Variants in EFCAB8 observed in about 807,000 individuals in gnomAD.
The protein encoded by EFCAB8 is EF-hand calcium-binding domain-containing protein 8.
EFCAB8 carries 100 observed loss-of-function variants against 116.3 expected under a neutral mutation model. The observed-to-expected ratio is 0.86, with a 90% CI of 0.73 to 1.02. EFCAB8 has a LOEUF of 1.02. Ranked by LOEUF, EFCAB8 falls within the 50% of genes least tolerant of loss-of-function variation. The probability of loss-of-function intolerance (pLI) is 0.00; values close to 1 mark genes in which losing one functional copy is unlikely to be tolerated. For missense variants in EFCAB8, 1,320 were observed against 1,416.9 expected (o/e 0.93, Z 1.10); for synonymous variants, 558 against 567.9 (o/e 0.98, Z 0.25).
intron 20 of EFCAB8, among the ~76,000 whole-genome samples, chr20:32,929,585 A>C (rs1031222441): frequency 7.2e-6 from 1 of 138,344 alleles, no homozygotes; most frequent in Admixed American, 8.0e-5. Context: ...CAAGTGATTC[A>C]CCCGCCTCGG....
chr20:32,893,118 GGT>G lies in EFCAB8; in HGVS notation c.759-52_759-51del, dbSNP rs1985997021. On this transcript the variant is annotated intron_variant, in intron 8 of 26. Coordinates refer to ENST00000400522, the MANE Select transcript of EFCAB8 (RefSeq NM_001143967.2). ...GGCCTCCCAGAGTGCTGGTCTTACA[GGT>G]GTGAGCCACCGCGCCCAGCCCACAC... is the stretch of plus-strand genomic sequence containing the variant. 2.6e-6 allele frequency: 4 copies of G among 1,547,780 alleles called. No homozygotes were observed. In the South Asian group the frequency reaches 3.6e-5, roughly 14 times the overall value.
At chr20:32,871,492 T>C (rs1984682472) in intron 3 of EFCAB8, among the ~76,000 whole-genome samples, 1 of 152,084 alleles carries the variant, frequency 6.6e-6, no homozygotes, top group Non-Finnish European at 1.5e-5. Context: ...GCTGTATTCC[T>C]TGCTTTTTTA....
At chr20:32,897,127 G>A (rs1600396969) in intron 10 of EFCAB8, among the ~76,000 whole-genome samples, 1 of 152,098 alleles carries the variant, frequency 6.6e-6, no homozygotes. Context: ...TAAGGTACCT[G>A]TATTCCCCCT....
intron 6 of EFCAB8, among the ~76,000 whole-genome samples, chr20:32,886,599 G>A (rs1026546390): frequency 6.6e-6 from 1 of 152,126 alleles, no homozygotes; most frequent in Non-Finnish European, 1.5e-5. Flanking sequence ...TGCACCAAGG[G>A]GGAGTCACGA....
intron 23 of EFCAB8, among the ~76,000 whole-genome samples, chr20:32,955,551 A>G (rs1988940376): frequency 6.6e-6 from 1 of 152,200 alleles, no homozygotes; most frequent in Non-Finnish European, 1.5e-5. Flanking sequence ...AAAAATAAAA[A>G]TAAAATAAAA....
chr20:32,908,544 C>T lies in EFCAB8; in HGVS notation c.1446+132C>T, dbSNP rs1986784110. The stretch of plus-strand genomic sequence containing the variant: ...CTGCTGAAGCGGCTAGACTCTGTGG[C>T]CTGGCCTGTGAGGGGCCGTGTCTTG... On this transcript the variant is annotated intron_variant, in intron 14 of 26. Coordinates refer to ENST00000400522, the MANE Select transcript of EFCAB8 (RefSeq NM_001143967.2). 6 of 1,013,670 alleles carry T rather than the reference C, an allele frequency of 5.9e-6. No individual in the cohort carries two copies. The South Asian group carries it at 2.6e-4, about 44-fold the overall frequency. The allele number at this position is 1,013,670 out of a possible 1,614,324, so 62.8% of individuals were successfully genotyped here. A position where few individuals can be genotyped will look rare whatever the true frequency, so the allele number is the denominator to read the frequency against.
At chr20:32,925,867 C>T (rs528950065) in intron 20 of EFCAB8, among the ~76,000 whole-genome samples, 4 of 152,344 alleles carry the variant, frequency 2.6e-5, no homozygotes, top group South Asian at 4.1e-4. Flanking sequence ...CTGAAATGCT[C>T]ACCTTCAGTC....
chr20:32,939,496 G>A (rs1203566473), intron 22 of EFCAB8, among the ~76,000 whole-genome samples: 6 of 145,984 alleles, frequency 4.1e-5, no homozygotes, highest in African/African-American at 1.0e-4. Context: ...TATTGGTCAC[G>A]CTGGTCTCAA....
Position 32,896,447 on chromosome 20 carries a change from CT to C in EFCAB8, c.884-6del. ...CTGATGTGGACCTTGGTTTTTTCCC[CT>C]ATCAGATCACTGGATCAAAGTTTCC... On this transcript the variant is annotated splice_region_variant and splice_polypyrimidine_tract_variant and intron_variant, in intron 9 of 26. Coordinates refer to ENST00000400522, the MANE Select transcript of EFCAB8 (RefSeq NM_001143967.2). The C allele has an allele frequency of 1.4e-6, 1 of 718,676 alleles. No homozygotes were observed. The highest frequency in any genetic ancestry group is 2.0e-5 in the Admixed American group (1 of 49,970). 44.5% of individuals were successfully genotyped at this position (718,676 alleles called of 1,614,324 possible). A position where few individuals can be genotyped will look rare whatever the true frequency, so the allele number is the denominator to read the frequency against.
In EFCAB8 at chr20:32,949,567, A is replaced by G. The variant is rs1266951844; in HGVS notation, c.2959+5763A>G. On this transcript the variant is annotated intron_variant, in intron 23 of 26. Coordinates refer to ENST00000400522, the MANE Select transcript of EFCAB8 (RefSeq NM_001143967.2). ...AGAGACAGACAGACAGATCAATGGAATGGCACAGAAAGTCCAGAGATATAT... is the reference window on the plus strand; with the variant it reads ...AGAGACAGACAGACAGATCAATGGAGTGGCACAGAAAGTCCAGAGATATAT... 2.0e-5 allele frequency among the ~76,000 whole-genome samples: 3 copies of G among 152,246 alleles called. No homozygotes were observed. The East Asian group carries it at 5.8e-4, about 29-fold the overall frequency.
In EFCAB8 at chr20:32,918,582, C is replaced by T. The variant is rs1437283519; in HGVS notation, c.2274+8C>T. On this transcript the variant is annotated splice_region_variant and intron_variant, in intron 19 of 26. Coordinates refer to ENST00000400522, the MANE Select transcript of EFCAB8 (RefSeq NM_001143967.2). ...AGGCCTGTGCCCCAGCAGGTGGGAG[C>T]GAGAGCCCAACCAGAAGGCTACCCT... 3.7e-5 allele frequency: 57 copies of T among 1,551,016 alleles called. No individual in the cohort carries two copies. Among genetic ancestry groups the T allele is most frequent in the Non-Finnish European group, 4.8e-5 (55 of 1,146,804 alleles).
Position 32,930,429 on chromosome 20 carries a change from C to CGCACA in EFCAB8, c.2445_2449dup (p.Thr817SerfsTer7). On this transcript the variant is annotated frameshift_variant, in exon 21 of 27. Coordinates refer to ENST00000400522, the MANE Select transcript of EFCAB8 (RefSeq NM_001143967.2). LOFTEE classifies it high-confidence loss of function. ...TTCCTGCAGACCAGGCCTCGCCTGC[C>CGCACA]GCACACGGCTGCCCTGCTGAGCAGC... The CGCACA allele has an allele frequency of 1.3e-6, 2 of 1,551,604 alleles. No homozygotes were observed. Among genetic ancestry groups the CGCACA allele is most frequent in the Middle Eastern group, 1.7e-4 (1 of 5,962 alleles).
At chr20:32,893,121 G>A in intron 8 of EFCAB8, 53 bp from the exon 9 acceptor site, 1 of 1,548,660 alleles carries the variant, frequency 6.5e-7, no homozygotes, top group Non-Finnish European at 8.7e-7. Context: ...TCTTACAGGT[G>A]TGAGCCACCG....
chr20:32,906,507 C>G, intron 11 of EFCAB8, 55 bp from the exon 12 acceptor site: 2 of 717,338 alleles, frequency 2.8e-6, no homozygotes, highest in Non-Finnish European at 5.2e-6. Flanking sequence ...GTCTCAGACG[C>G]TCTCTTGGGG....
chr20:32,897,356 G>A (rs554186225), intron 10 of EFCAB8, among the ~76,000 whole-genome samples: 2 of 152,196 alleles, frequency 1.3e-5, no homozygotes, highest in South Asian at 4.2e-4. Flanking sequence ...GCGCTTGGTG[G>A]GCTCCCAATA....
intron 17 of EFCAB8, among the ~76,000 whole-genome samples, chr20:32,915,518 C>T (rs1432356819): frequency 6.6e-6 from 1 of 152,158 alleles, no homozygotes; most frequent in Non-Finnish European, 1.5e-5. Flanking sequence ...AAATTCTGTT[C>T]AGGATTACTT....
Position 32,918,569 on chromosome 20 carries a change from C to T in EFCAB8, c.2269C>T (p.Gln757Ter), listed in dbSNP as rs1234423697. ...CAAGGAGCCAGACAGGCCTGTGCCC[C>T]AGCAGGTGGGAGCGAGAGCCCAACC... ...RDKEPDRPVP[Q>*]QKPSSASGTS... is the part of the protein sequence containing the mutation. The change falls in exon 19 of 27, where the codon CAG (glutamine) becomes TAG (stop). Residue 757 changes from glutamine (Q) to a stop codon, truncating the protein, a stop_gained. Coordinates refer to ENST00000400522, the MANE Select transcript of EFCAB8 (RefSeq NM_001143967.2). LOFTEE classifies it high-confidence loss of function. 1 of 1,551,440 alleles carries T rather than the reference C, an allele frequency of 6.4e-7. No homozygotes were observed. The highest frequency in any genetic ancestry group is 2.4e-5 in the East Asian group (1 of 40,934).
chr20:32,863,270 A>G (rs1466775671), intron 1 of EFCAB8, among the ~76,000 whole-genome samples: 1 of 152,144 alleles, frequency 6.6e-6, no homozygotes, highest in Non-Finnish European at 1.5e-5. Flanking sequence ...CTGACCCAAT[A>G]GAAACGTTCT....
Position 32,863,770 on chromosome 20 carries a change from T to C in EFCAB8, c.-10-13T>C. 3.2e-6 allele frequency: 5 copies of C among 1,550,042 alleles called. No homozygotes were observed. Among genetic ancestry groups the C allele is most frequent in the African/African-American group, 1.4e-5 (1 of 73,052 alleles). On this transcript the variant is annotated splice_polypyrimidine_tract_variant and intron_variant, in intron 1 of 26. Transcript: ENST00000400522. Reference sequence around the variant, plus strand: ...ACGACTGGAGTTAAGTTGACTATGATTCCCTATTCTAGGTCAAGGCTAATG... The same window carrying C: ...ACGACTGGAGTTAAGTTGACTATGACTCCCTATTCTAGGTCAAGGCTAATG...
Sources: gnomAD v4.1 joint callset for allele counts (sites outside exome capture counted in the v4.1 genomes callset) on GRCh38, gnomAD v4.1.1 for gene constraint, MANE v1.5 for transcripts, NCBI Gene and HGNC (gene_info 2026-07-23, HGNC 2026-07-21) for gene names.